NEK11: variants seen among roughly 807,000 people sequenced by gnomAD.
NEK11 encodes the protein serine/threonine-protein kinase Nek11.
NEK11 carries 72 observed loss-of-function variants against 80.7 expected under a neutral mutation model. The ratio of observed to expected loss-of-function variants is 0.89; its 90% CI spans 0.74 to 1.08. The LOEUF is 1.08. NEK11 is among the 50% of genes least tolerant of loss of function. The probability of loss-of-function intolerance (pLI) is 0.00; values close to 1 mark genes in which losing one functional copy is unlikely to be tolerated. For missense variants in NEK11, 764 were observed against 763.6 expected, an observed-to-expected ratio of 1.00 and a Z score of -0.01; for synonymous variants, 251 against 260.7, an observed-to-expected ratio of 0.96 and a Z score of 0.36.
intron 15 of NEK11, among the ~76,000 whole-genome samples, chr3:131,236,377 T>C (rs1236460697): frequency 6.6e-6 from 1 of 152,192 alleles, no homozygotes; most frequent in Non-Finnish European, 1.5e-5. Flanking sequence ...CTGCTTTTTT[T>C]TCGTCTCTTT....
intron 7 of NEK11, among the ~76,000 whole-genome samples, chr3:131,146,137 A>G (rs921296367): frequency 2.6e-5 from 4 of 152,008 alleles, no homozygotes; most frequent in African/African-American, 9.7e-5. Flanking sequence ...TCTGTTTCTA[A>G]TCTTGTCCTC....
intron 17 of NEK11, among the ~76,000 whole-genome samples, chr3:131,315,348 C>T (rs957608198): frequency 4.6e-5 from 7 of 151,826 alleles, no homozygotes; most frequent in Admixed American, 2.6e-4. Context: ...TTTTAGATTC[C>T]GATCATGCAG....
chr3:131,269,314 A>G (rs748443204), intron 16 of NEK11, among the ~76,000 whole-genome samples: 1 of 152,204 alleles, frequency 6.6e-6, no homozygotes, highest in East Asian at 1.9e-4. Flanking sequence ...CCACTGGAGT[A>G]TGAAAAACAA....
At chr3:131,048,998 G>A (rs1045153683) in intron 3 of NEK11, among the ~76,000 whole-genome samples, 1 of 152,168 alleles carries the variant, frequency 6.6e-6, no homozygotes, top group African/African-American at 2.4e-5. Flanking sequence ...GACTTGCTCC[G>A]CCTACGGAAG....
intron 17 of NEK11, among the ~76,000 whole-genome samples, chr3:131,310,666 G>T (rs972884428): frequency 1.3e-5 from 2 of 152,198 alleles, no homozygotes; most frequent in Non-Finnish European, 2.9e-5. Flanking sequence ...AGTGTCAGCT[G>T]CAGGGAGATG....
At chr3:131,308,810 A>T (rs191589832) in intron 17 of NEK11, among the ~76,000 whole-genome samples, 12 of 152,010 alleles carry the variant, frequency 7.9e-5, no homozygotes, top group Non-Finnish European at 1.5e-4. Context: ...GACACCAGGA[A>T]CTGGTTTTGT....
intron 16 of NEK11, among the ~76,000 whole-genome samples, chr3:131,244,674 C>T (rs936308612): frequency 2.6e-5 from 4 of 152,018 alleles, no homozygotes; most frequent in Admixed American, 1.3e-4. Context: ...GTAATCCCAA[C>T]GTTTTGGGAG....
At chr3:131,248,641 C>T (rs1239918031) in intron 16 of NEK11, among the ~76,000 whole-genome samples, 1 of 152,052 alleles carries the variant, frequency 6.6e-6, no homozygotes, top group Non-Finnish European at 1.5e-5. Flanking sequence ...CTCACTCTCC[C>T]ATATTAGGGC....
intron 3 of NEK11, among the ~76,000 whole-genome samples, chr3:131,041,037 C>G (rs568219364): frequency 6.6e-6 from 1 of 152,186 alleles, no homozygotes; most frequent in Admixed American, 6.5e-5. Context: ...TTGCTTATGT[C>G]TTTCATCTCA....
chr3:131,151,996 A>C (rs1461586756), intron 7 of NEK11, among the ~76,000 whole-genome samples: 1 of 152,152 alleles, frequency 6.6e-6, no homozygotes, highest in East Asian at 1.9e-4. Flanking sequence ...TATATTTTGC[A>C]TATATAAAAT....
intron 14 of NEK11, among the ~76,000 whole-genome samples, chr3:131,187,094 GCA>G (rs2093630317): frequency 6.6e-6 from 1 of 152,132 alleles, no homozygotes; most frequent in African/African-American, 2.4e-5. Flanking sequence ...CGTTTGAGGA[GCA>G]CACACTGAAA....
chr3:131,045,342 A>G (rs1577379900), intron 3 of NEK11, among the ~76,000 whole-genome samples: 1 of 152,100 alleles, frequency 6.6e-6, no homozygotes, highest in Non-Finnish European at 1.5e-5. Flanking sequence ...AGAGGTTTTG[A>G]TAGGTTTTGT....
intron 16 of NEK11, 149 bp from the exon 17 acceptor site, chr3:131,273,329 G>A (rs2096233854): frequency 3.4e-6 from 2 of 594,130 alleles, no homozygotes; most frequent in Admixed American, 5.6e-5. Context: ...TTCTTAATGT[G>A]CGTGTTATAA....
rs113192451 is a variant in NEK11 at position 131,318,698 on chromosome 3, T to A, written c.1719-30859T>A. ...GATGCAGAACAATAGGCATATATGA[T>A]CTCATCCATATGTCATTGTTTAGTA... On this transcript the variant is annotated intron_variant, in intron 17 of 17. Transcript: ENST00000383366. 9.2e-3 allele frequency among the ~76,000 whole-genome samples: 1,395 copies of A among 151,182 alleles called. 16 individuals are homozygous for A. Among genetic ancestry groups the A allele is most frequent in the African/African-American group, 0.03 (1,245 of 41,318 alleles).
At chr3:131,297,088 TC>T (rs1201855350) in intron 17 of NEK11, among the ~76,000 whole-genome samples, 6 of 152,268 alleles carry the variant, frequency 3.9e-5, no homozygotes, top group African/African-American at 1.2e-4. Context: ...TGTTTCCAAG[TC>T]TTTGCTATTG....
intron 10 of NEK11, among the ~76,000 whole-genome samples, chr3:131,155,788 A>G (rs1258273035): frequency 1.3e-5 from 2 of 152,186 alleles, no homozygotes; most frequent in Non-Finnish European, 2.9e-5. Flanking sequence ...GAAGCCCTCA[A>G]TAGGCTGATC....
chr3:131,029,815 G>A lies in NEK11; in HGVS notation c.107G>A (p.Gly36Asp). 1 of 1,614,216 alleles carries A rather than the reference G, an allele frequency of 6.2e-7. No individual in the cohort carries two copies. ...ARRYVLQQKL[G>D]SGSFGTVYLV... The stretch of plus-strand genomic sequence containing the variant: ...AGATACGTGCTTCAACAAAAACTTG[G>A]CAGTGGAAGTTTTGGAACTGTCTAT... Residue 36 changes from glycine (G) to aspartate (D), a missense_variant, in exon 3 of 18, where the codon GGC becomes GAC. Gly to Asp is a moderately conservative substitution (Grantham distance 94). Coordinates refer to ENST00000383366, the MANE Select transcript of NEK11 (RefSeq NM_024800.5).
At chr3:131,245,184 T>C (rs1392094402) in intron 16 of NEK11, among the ~76,000 whole-genome samples, 5 of 152,106 alleles carry the variant, frequency 3.3e-5, no homozygotes, top group East Asian at 1.9e-4. Context: ...AGTGAGAACA[T>C]TGGTATTTGA....
chr3:131,059,159 A>T (rs2070299106), intron 3 of NEK11, among the ~76,000 whole-genome samples: 1 of 152,150 alleles, frequency 6.6e-6, no homozygotes, highest in South Asian at 2.1e-4. Flanking sequence ...TCCCCTGAAA[A>T]TATGTTTTAG....
Sources: allele counts gnomAD v4.1 joint callset (sites outside exome capture counted in the v4.1 genomes callset), GRCh38; gene constraint gnomAD v4.1.1; transcripts MANE v1.5; gene names NCBI Gene and HGNC (gene_info 2026-07-23, HGNC 2026-07-21).